The following NECTIN1 variants were observed in gnomAD, a reference collection of about 807,000 sequenced individuals.
The protein encoded by NECTIN1 is nectin cell adhesion molecule 1, also known as nectin-1.
In NECTIN1, 23 loss-of-function variants were observed where a neutral mutation model predicts 48.0. That is an observed-to-expected ratio of 0.48 (90% CI 0.34 to 0.68). The LOEUF (loss-of-function observed/expected upper bound fraction) is 0.68, where lower values mean the gene tolerates loss of function less well. Ranked by LOEUF, NECTIN1 falls within the 30% of genes least tolerant of loss-of-function variation. NECTIN1 has a pLI of 0.01. For synonymous variants in NECTIN1, 270 were observed against 288.9 expected, an observed-to-expected ratio of 0.93 and a Z score of 0.66; for missense variants, 591 against 709.9, an observed-to-expected ratio of 0.83 and a Z score of 1.90.
chr11:119,638,206 C>T, exon 8 of NECTIN1: 1 of 1,614,098 alleles, frequency 6.2e-7, no homozygotes. Flanking sequence ...GCAAGTCCTC[C>T]TCTTCTTGCT....
rs1412461118 is a variant in NECTIN1 at position 119,727,594 on chromosome 11, T to C, written c.79+881A>G. On this transcript the variant is annotated intron_variant, in intron 1 of 5. Transcript: ENST00000264025. This position sits in a 1 kb window ranked among gnomAD's most constrained non-coding sequence, Gnocchi z 4.1. The stretch of plus-strand genomic sequence containing the variant: ...CCTCCTAAACGCATTTTCCAGTTCA[T>C]TCCCCAGCACAATATGCCTGGGCTG... Among the ~76,000 whole-genome samples the C allele has an allele frequency of 1.3e-5, 2 of 152,088 alleles. No homozygotes were observed. Among genetic ancestry groups the C allele is most frequent in the Admixed American group, 6.5e-5 (1 of 15,284 alleles).
chr11:119,657,472 G>A (rs1864593133), downstream of NECTIN1, among the ~76,000 whole-genome samples: 1 of 151,968 alleles, frequency 6.6e-6, no homozygotes, highest in Admixed American at 6.6e-5. Flanking sequence ...AAAATTAGCT[G>A]GGCGTGGTGG....
chr11:119,711,399 A>T (rs1865644063), intron 1 of NECTIN1, among the ~76,000 whole-genome samples: 1 of 151,884 alleles, frequency 6.6e-6, no homozygotes, highest in Non-Finnish European at 1.5e-5. Context: ...CAAAAAAAAA[A>T]AAAAGGCATG....
rs66955603 is a variant in NECTIN1 at position 119,683,573 on chromosome 11, G to GGTGTGTGTGTGTGT, written c.80-4822_80-4809dup. ...AGAAACAGGGGCTTTGGGGATCCCG[G>GGTGTGTGTGTGTGT]GTGTGTGTGTGTGTGTGTGTGTGTG... On this transcript the variant is annotated intron_variant, in intron 1 of 5. Coordinates refer to ENST00000264025, the MANE Select transcript of NECTIN1 (RefSeq NM_002855.5). This position sits in a 1 kb window ranked among gnomAD's most constrained non-coding sequence, Gnocchi z 4.0. Among the ~76,000 whole-genome samples the GGTGTGTGTGTGTGT allele has an allele frequency of 7.0e-6, 1 of 143,572 alleles. No homozygotes were observed. The highest frequency in any genetic ancestry group is 2.6e-5 in the African/African-American group (1 of 38,372). 94.2% of individuals were successfully genotyped at this position (143,572 alleles called of 152,430 possible).
intron 5 of NECTIN1, among the ~76,000 whole-genome samples, chr11:119,647,523 T>C (rs913420509): frequency 2.6e-5 from 4 of 152,086 alleles, no homozygotes; most frequent in Non-Finnish European, 4.4e-5. Flanking sequence ...CCCAGTCCTC[T>C]TGGAGGGGGT....
chr11:119,717,299 A>G (rs1420887853), intron 1 of NECTIN1, among the ~76,000 whole-genome samples: 3 of 152,218 alleles, frequency 2.0e-5, no homozygotes, highest in Admixed American at 6.5e-5. Context: ...CGTTCCCCCA[A>G]AGGCCTATCC....
At chr11:119,644,541 A>G (rs1864369618) in intron 5 of NECTIN1, among the ~76,000 whole-genome samples, 1 of 152,162 alleles carries the variant, frequency 6.6e-6, no homozygotes, top group Admixed American at 6.5e-5. Flanking sequence ...CGTGTGCCTC[A>G]CACTTCTATG....
At chr11:119,695,200 GTCCCCGGTCGC>G (rs966222368) in intron 1 of NECTIN1, among the ~76,000 whole-genome samples, 2 of 152,084 alleles carry the variant, frequency 1.3e-5, no homozygotes, top group Non-Finnish European at 2.9e-5. Context: ...TGTTACACAA[GTCCCCGGTCGC>G]TCTCCACTGC....
chr11:119,714,878 G>A (rs532773539), intron 1 of NECTIN1, among the ~76,000 whole-genome samples: 20 of 152,264 alleles, frequency 1.3e-4, no homozygotes, highest in Admixed American at 3.3e-4. Flanking sequence ...ATCCCTGGGC[G>A]TGGCAGCCCA....
chr11:119,723,735 G>A (rs564404330), intron 1 of NECTIN1, among the ~76,000 whole-genome samples: 9 of 152,218 alleles, frequency 5.9e-5, no homozygotes, highest in South Asian at 2.1e-4. Context: ...CCAACAGCAC[G>A]AGAGAATCCA....
At chr11:119,688,842 G>A (rs1043232822) in intron 1 of NECTIN1, among the ~76,000 whole-genome samples, 4 of 152,204 alleles carry the variant, frequency 2.6e-5, no homozygotes, top group Admixed American at 6.5e-5. Flanking sequence ...GACAGGTAGA[G>A]AGAACAGGGT....
At chr11:119,685,347 C>T (rs974626061) in intron 1 of NECTIN1, among the ~76,000 whole-genome samples, 3 of 152,216 alleles carry the variant, frequency 2.0e-5, no homozygotes, top group Non-Finnish European at 4.4e-5. Flanking sequence ...GCGCCTTGGG[C>T]GGGTGAGCAC....
At chr11:119,711,544 C>T (rs1865646786) in intron 1 of NECTIN1, among the ~76,000 whole-genome samples, 1 of 152,078 alleles carries the variant, frequency 6.6e-6, no homozygotes, top group South Asian at 2.1e-4. Flanking sequence ...TGGGTCCTAT[C>T]CTTCAAAGAG....
chr11:119,725,059 T>C (rs1303741903), intron 1 of NECTIN1, among the ~76,000 whole-genome samples: 1 of 152,176 alleles, frequency 6.6e-6, no homozygotes, highest in Non-Finnish European at 1.5e-5. Context: ...TGAAGATACA[T>C]TCACACCTCC....
In NECTIN1 at chr11:119,671,874, C is replaced by T. The variant is rs111739072; in HGVS notation, c.1003+3285G>A. Reference sequence around the variant, plus strand: ...TCAGACCTCCCAACACACTGCCATTCGCTGGCTCAGAGAATGGCACGTTGC... The same window carrying T: ...TCAGACCTCCCAACACACTGCCATTTGCTGGCTCAGAGAATGGCACGTTGC... On this transcript the variant is annotated intron_variant, in intron 5 of 5. Coordinates refer to ENST00000264025, the MANE Select transcript of NECTIN1 (RefSeq NM_002855.5). 2.7e-3 allele frequency among the ~76,000 whole-genome samples: 408 copies of T among 152,362 alleles called. 4 individuals are homozygous for T. Among genetic ancestry groups the T allele is most frequent in the African/African-American group, 8.3e-3 (347 of 41,592 alleles).
intron 1 of NECTIN1, among the ~76,000 whole-genome samples, chr11:119,699,468 G>C (rs1865402080): frequency 6.7e-6 from 1 of 149,182 alleles, no homozygotes; most frequent in African/African-American, 2.5e-5. Context: ...GCCCAGCCCC[G>C]AGTCCTGGAG....
At position 119,707,974 on chromosome 11, in the gene NECTIN1, C is replaced by T. The variant is rs1187433841; in HGVS notation, c.79+20501G>A. Among the ~76,000 whole-genome samples, 3 of 152,230 alleles carry T rather than the reference C, an allele frequency of 2.0e-5. 1 individual carries two copies. The highest frequency in any genetic ancestry group is 4.4e-5 in the Non-Finnish European group (3 of 68,042). ...CGTGGAGGAATAAGAAAGACTAAGACATTTTCTTTTACCTTAAAAGCTCTG... is the reference window on the plus strand; with the variant it reads ...CGTGGAGGAATAAGAAAGACTAAGATATTTTCTTTTACCTTAAAAGCTCTG... On this transcript the variant is annotated intron_variant, in intron 1 of 5. Transcript: ENST00000264025.
intron 5 of NECTIN1, among the ~76,000 whole-genome samples, chr11:119,666,422 C>T (rs990165366): frequency 4.6e-5 from 7 of 152,218 alleles, no homozygotes; most frequent in Non-Finnish European, 1.0e-4. Context: ...CCAGTGGGGC[C>T]GGGCCACAGT....
chr11:119,697,032 CGCTGCA>C (rs1199875464), intron 1 of NECTIN1, among the ~76,000 whole-genome samples: 2 of 152,156 alleles, frequency 1.3e-5, no homozygotes, highest in East Asian at 3.9e-4. Flanking sequence ...GTGTGCTGCC[CGCTGCA>C]GCGGGCAGAG....
Sources: gnomAD v4.1 joint callset for allele counts (sites outside exome capture counted in the v4.1 genomes callset) on GRCh38, gnomAD v4.1.1 for gene constraint, Gnocchi (gnomAD v3.1) non-coding constraint, MANE v1.5 for transcripts, NCBI Gene and HGNC (gene_info 2026-07-23, HGNC 2026-07-21) for gene names.